The following CALR3 variants were observed in gnomAD, a reference collection of about 807,000 sequenced individuals.
CALR3 encodes calreticulin 3, also known as calreticulin-3.
CALR3 carries 39 observed loss-of-function variants against 48.7 expected under a neutral mutation model. That is an observed-to-expected ratio of 0.80 (90% confidence interval 0.62 to 1.05). CALR3 has a LOEUF of 1.05. Among genes scored for constraint, CALR3 ranks in the 50% least tolerant of loss-of-function variants. The probability of loss-of-function intolerance (pLI) is 0.00; values close to 1 mark genes in which losing one functional copy is unlikely to be tolerated. For synonymous variants in CALR3, 185 were observed against 172.7 expected (o/e 1.07, Z -0.56); for missense variants, 449 against 474.7 (o/e 0.95, Z 0.50).
chr19:16,492,689 CCT>C (rs1359332384), intron 2 of CALR3, among the ~76,000 whole-genome samples: 6 of 151,596 alleles, frequency 4.0e-5, no homozygotes, highest in Non-Finnish European at 8.8e-5. Flanking sequence ...CACGTGAAAC[CCT>C]GTCTCTACTA....
At chr19:16,489,498 A>T (rs891797735) in intron 3 of CALR3, among the ~76,000 whole-genome samples, 11 of 152,136 alleles carry the variant, frequency 7.2e-5, no homozygotes, top group Non-Finnish European at 7.4e-5. Context: ...GCATGCCGGT[A>T]ATCCCAGCTA....
intron 2 of CALR3, among the ~76,000 whole-genome samples, chr19:16,495,054 G>C (rs1426920939): frequency 6.6e-6 from 1 of 151,904 alleles, no homozygotes. Context: ...GGGCAATGTG[G>C]TGAAACTCTG....
chr19:16,495,432 G>T (rs777978697), intron 2 of CALR3, among the ~76,000 whole-genome samples: 10 of 151,228 alleles, frequency 6.6e-5, no homozygotes, highest in Non-Finnish European at 1.5e-4. Flanking sequence ...GGTGGCGCGC[G>T]CCTGTAGTCT....
chr19:16,487,101 G>C (rs2093390224), intron 3 of CALR3, among the ~76,000 whole-genome samples: 1 of 151,996 alleles, frequency 6.6e-6, no homozygotes, highest in Non-Finnish European at 1.5e-5. Flanking sequence ...AAACTCCTCG[G>C]CTCGGGGGAT....
Position 16,479,284 on chromosome 19 carries a change from G to T in CALR3, c.1012-10C>A, listed in dbSNP as rs2093376588. The T allele has an allele frequency of 6.2e-7, 1 of 1,613,656 alleles. No homozygotes were observed. Among genetic ancestry groups the T allele is most frequent in the African/African-American group, 1.3e-5 (1 of 74,870 alleles). ...TCTCCCTTTCTGGACCCTGGAGAAAGAAAGAAAAAACATAAGCCCCACCGG... is the reference window on the plus strand; with the variant it reads ...TCTCCCTTTCTGGACCCTGGAGAAATAAAGAAAAAACATAAGCCCCACCGG... On this transcript the variant is annotated splice_polypyrimidine_tract_variant and intron_variant, in intron 8 of 8. Coordinates refer to ENST00000269881, the MANE Select transcript of CALR3 (RefSeq NM_145046.5).
At chr19:16,479,771 A>C (rs1014187109) in intron 8 of CALR3, among the ~76,000 whole-genome samples, 1 of 151,706 alleles carries the variant, frequency 6.6e-6, no homozygotes, top group African/African-American at 2.4e-5. Flanking sequence ...ACAAAACAAA[A>C]CAAAACAAAA....
chr19:16,494,771 G>A (rs576782751), intron 2 of CALR3, among the ~76,000 whole-genome samples: 10 of 152,304 alleles, frequency 6.6e-5, no homozygotes, highest in African/African-American at 2.2e-4. Flanking sequence ...TGTCTATTAA[G>A]AGGGGCAATT....
intron 3 of CALR3, 39 bp from the exon 4 acceptor site, chr19:16,485,296 AT>A: frequency 7.6e-7 from 1 of 1,321,232 alleles, no homozygotes; most frequent in Non-Finnish European, 1.1e-6. Flanking sequence ...TCTTTCCATA[AT>A]GCATCACCGT....
At chr19:16,491,441 C>T (rs996916197) in intron 2 of CALR3, among the ~76,000 whole-genome samples, 11 of 149,888 alleles carry the variant, frequency 7.3e-5, no homozygotes, top group African/African-American at 2.0e-4. Flanking sequence ...CCTAAACATT[C>T]TACTCTGCCT....
At chr19:16,481,904 C>CTT (rs747167825) in intron 7 of CALR3, among the ~76,000 whole-genome samples, 17,401 of 72,000 alleles carry the variant, frequency 0.24, 1,725 homozygotes, top group Non-Finnish European at 0.29. Flanking sequence ...ACTCCCATCT[C>CTT]TTTTTTTTTT....
chr19:16,480,587 A>T (rs569547730), intron 8 of CALR3, 27 bp downstream of exon 8: 1 of 1,478,428 alleles, frequency 6.8e-7, no homozygotes, highest in Non-Finnish European at 9.5e-7. Flanking sequence ...ATAGTGATGT[A>T]GGAAGAGTTA....
chr19:16,479,905 G>A (rs1477083331), intron 8 of CALR3, among the ~76,000 whole-genome samples: 3 of 151,860 alleles, frequency 2.0e-5, no homozygotes, highest in Non-Finnish European at 2.9e-5. Flanking sequence ...AGAAGAACCT[G>A]TAAAGATTGC....
chr19:16,495,942 G>T, intron 1 of CALR3, 90 bp from the exon 2 acceptor site: 2 of 1,564,960 alleles, frequency 1.3e-6, no homozygotes, highest in Admixed American at 1.8e-5. Context: ...AGGATTCGAG[G>T]GTTCGCTGCC....
chr19:16,479,384 G>C, intron 8 of CALR3, 110 bp from the exon 9 acceptor site: 1 of 1,212,116 alleles, frequency 8.3e-7, no homozygotes, highest in Non-Finnish European at 1.2e-6. Context: ...AGGAGATCGA[G>C]ACCATCCCGG....
chr19:16,495,724 T>C lies in CALR3; in HGVS notation c.193+27A>G, dbSNP rs768570105. 18 of 1,554,188 alleles carry C rather than the reference T, an allele frequency of 1.2e-5. No homozygotes were observed. The East Asian group carries it at 1.8e-4, about 15-fold the overall frequency. ...TTGCTATGGAAATGTAACATTAGGC[T>C]CAATTTGGTCCTGATTCTACACTAA... On this transcript the variant is annotated intron_variant, in intron 2 of 8. Transcript: ENST00000269881.
At chr19:16,486,720 A>C (rs889792955) in intron 3 of CALR3, among the ~76,000 whole-genome samples, 5 of 152,000 alleles carry the variant, frequency 3.3e-5, no homozygotes, top group Non-Finnish European at 1.5e-5. Context: ...TTTATGCATA[A>C]CTTATGCATA....
At chr19:16,481,367 C>A (rs962766156) in intron 7 of CALR3, among the ~76,000 whole-genome samples, 7 of 151,966 alleles carry the variant, frequency 4.6e-5, no homozygotes, top group Non-Finnish European at 1.5e-5. Context: ...GTGCTTAAAC[C>A]CATTTCTAGA....
Position 16,482,491 on chromosome 19 carries a change from C to A in CALR3, c.877G>T (p.Glu293Ter). The change falls in exon 7 of 9, where the codon GAA becomes TAA. Residue 293 changes from glutamate (E) to a stop codon, truncating the protein, a stop_gained. Coordinates refer to ENST00000269881, the MANE Select transcript of CALR3 (RefSeq NM_145046.5). LOFTEE classifies it high-confidence loss of function. ...TDYLTQYDLS[E>*]FENIGAIGLE... ...CCAATGGCACCAATGTTCTCAAATT[C>A]TGAGAGGTCATACTGCGTCAAATAG... 1 of 1,614,258 alleles carries A rather than the reference C, an allele frequency of 6.2e-7. No homozygotes were observed. The highest frequency in any genetic ancestry group is 1.1e-5 in the South Asian group (1 of 91,086).
chr19:16,488,415 T>C (rs548651103), intron 3 of CALR3, among the ~76,000 whole-genome samples: 1 of 152,210 alleles, frequency 6.6e-6, no homozygotes, highest in East Asian at 1.9e-4. Flanking sequence ...ACATTCATTC[T>C]TTTTTTGGAG....
Sources: gnomAD v4.1 joint callset for allele counts (sites outside exome capture counted in the v4.1 genomes callset) on GRCh38, gnomAD v4.1.1 for gene constraint, MANE v1.5 for transcripts, NCBI Gene and HGNC (gene_info 2026-07-23, HGNC 2026-07-21) for gene names.